The following XYLT1 variants were observed in gnomAD, a reference collection of about 807,000 sequenced individuals.
The protein encoded by XYLT1 is xylosyltransferase 1.
In XYLT1, 36 loss-of-function variants were observed where a neutral mutation model predicts 91.3. That is an observed-to-expected ratio of 0.39 (90% CI 0.30 to 0.52). The LOEUF (loss-of-function observed/expected upper bound fraction) is 0.52, where lower values mean the gene tolerates loss of function less well. Ranked by LOEUF, XYLT1 falls within the 20% of genes least tolerant of loss-of-function variation. The probability of loss-of-function intolerance (pLI) is 0.68; values close to 1 mark genes in which losing one functional copy is unlikely to be tolerated. For synonymous variants in XYLT1, 588 were observed against 532.0 expected, an observed-to-expected ratio of 1.11 and a Z score of -1.45; for missense variants, 1,242 against 1,284.5, an observed-to-expected ratio of 0.97 and a Z score of 0.51.
chr16:17,454,357 T>C (rs183858912), intron 1 of XYLT1, among the ~76,000 whole-genome samples: 151 of 152,308 alleles, frequency 9.9e-4, no homozygotes, highest in Middle Eastern at 3.4e-3. Flanking sequence ...TGAACCAATA[T>C]AGACATAGGG....
chr16:17,351,504 C>G (rs1333032632), intron 2 of XYLT1, among the ~76,000 whole-genome samples: 6 of 151,974 alleles, frequency 3.9e-5, no homozygotes, highest in African/African-American at 1.5e-4. Flanking sequence ...CAGAGCAAGA[C>G]TCTGTCTCAA....
At chr16:17,393,517 C>G (rs1052538783) in intron 1 of XYLT1, among the ~76,000 whole-genome samples, 1 of 152,138 alleles carries the variant, frequency 6.6e-6, no homozygotes, top group Non-Finnish European at 1.5e-5. Context: ...TGTGTGTACA[C>G]ATATTTAGCT....
intron 10 of XYLT1, 63 bp downstream of exon 10, chr16:17,127,603 G>A (rs2030305001): frequency 3.3e-6 from 5 of 1,537,740 alleles, no homozygotes; most frequent in Non-Finnish European, 4.4e-6. Context: ...TCAGATAGTG[G>A]AGTAGAATCT....
chr16:17,399,633 T>C (rs1428107911), intron 1 of XYLT1, among the ~76,000 whole-genome samples: 2 of 152,178 alleles, frequency 1.3e-5, no homozygotes, highest in Non-Finnish European at 2.9e-5. Context: ...ACAAATTATC[T>C]CACAGCTGAA....
At chr16:17,306,982 G>T (rs1473797757) in intron 2 of XYLT1, among the ~76,000 whole-genome samples, 1 of 152,082 alleles carries the variant, frequency 6.6e-6, no homozygotes, top group Non-Finnish European at 1.5e-5. Context: ...CTCTGTAGAG[G>T]TGCACGTACT....
chr16:17,373,205 A>G (rs1489654100), intron 1 of XYLT1, among the ~76,000 whole-genome samples: 1 of 152,162 alleles, frequency 6.6e-6, no homozygotes, highest in African/African-American at 2.4e-5. Context: ...CTGTTGTTGG[A>G]ATCCATATTC....
intron 5 of XYLT1, among the ~76,000 whole-genome samples, chr16:17,185,269 G>T (rs1220622798): frequency 6.6e-6 from 1 of 152,254 alleles, no homozygotes; most frequent in Non-Finnish European, 1.5e-5. Flanking sequence ...TGTTTATTTT[G>T]TGACTAGAGG....
chr16:17,261,793 C>A (rs972976859), intron 2 of XYLT1, among the ~76,000 whole-genome samples: 20 of 152,116 alleles, frequency 1.3e-4, no homozygotes, highest in African/African-American at 4.6e-4. Flanking sequence ...GGAAAAAGAA[C>A]CAAGAAAAAA....
chr16:17,155,767 C>A (rs977202601), intron 6 of XYLT1, among the ~76,000 whole-genome samples: 1 of 152,080 alleles, frequency 6.6e-6, no homozygotes, highest in Non-Finnish European at 1.5e-5. Context: ...TGTCAAGAGG[C>A]CTTTGGGTTT....
At chr16:17,392,002 T>C (rs1028304352) in intron 1 of XYLT1, among the ~76,000 whole-genome samples, 3 of 152,220 alleles carry the variant, frequency 2.0e-5, no homozygotes, top group Non-Finnish European at 4.4e-5. Context: ...CTTTCATTTA[T>C]AAATTACCCA....
chr16:17,418,345 C>T (rs985341931), intron 1 of XYLT1, among the ~76,000 whole-genome samples: 2 of 152,116 alleles, frequency 1.3e-5, no homozygotes, highest in African/African-American at 4.8e-5. Context: ...GATTTATACC[C>T]GTTTATATAA....
At chr16:17,436,325 G>T (rs4386120) in intron 1 of XYLT1, among the ~76,000 whole-genome samples, 8,543 of 152,284 alleles carry the variant, frequency 0.056, 333 homozygotes, top group African/African-American at 0.097. Context: ...GAAGTGACTT[G>T]CCCAAGGTCA....
At chr16:17,244,665 T>C (rs1377336248) in intron 3 of XYLT1, among the ~76,000 whole-genome samples, 1 of 152,186 alleles carries the variant, frequency 6.6e-6, no homozygotes, top group Non-Finnish European at 1.5e-5. Flanking sequence ...GCAAATTAGC[T>C]TTTCTCTGAT....
chr16:17,397,159 C>A (rs1402791613), intron 1 of XYLT1, among the ~76,000 whole-genome samples: 2 of 152,102 alleles, frequency 1.3e-5, no homozygotes, highest in Non-Finnish European at 2.9e-5. Context: ...GGGAAGGCTT[C>A]CTGGAGGGTG....
chr16:17,113,328 A>G (rs976534573), intron 11 of XYLT1, among the ~76,000 whole-genome samples: 6 of 151,414 alleles, frequency 4.0e-5, no homozygotes, highest in African/African-American at 1.5e-4. Flanking sequence ...CTTTTAGGAG[A>G]GACAGGGTTT....
intron 3 of XYLT1, among the ~76,000 whole-genome samples, chr16:17,226,024 G>A (rs1203194598): frequency 6.7e-6 from 1 of 148,812 alleles, no homozygotes; most frequent in Non-Finnish European, 1.5e-5. Flanking sequence ...ATTTGCATGA[G>A]GTAGTGGGTT....
rs571153273 is a variant in XYLT1 at position 17,334,895 on chromosome 16, CA to C, written c.402+23116del. Among the ~76,000 whole-genome samples the C allele has an allele frequency of 4.3e-3, 639 of 147,482 alleles. 8 individuals are homozygous for C. Among genetic ancestry groups the C allele is most frequent in the African/African-American group, 0.015 (582 of 40,068 alleles). On this transcript the variant is annotated intron_variant, in intron 2 of 11. Transcript: ENST00000261381. ...GAGACTCCATCTCAAAAAACAAAAA[CA>C]AAAAAAAGATCAACTATTTATGGGT...
chr16:17,123,020 G>A (rs1478615451), intron 10 of XYLT1, among the ~76,000 whole-genome samples: 1 of 152,178 alleles, frequency 6.6e-6, no homozygotes, highest in Non-Finnish European at 1.5e-5. Flanking sequence ...AATGCCTCCA[G>A]ATTTGTTCTT....
intron 8 of XYLT1, among the ~76,000 whole-genome samples, chr16:17,136,077 T>C (rs899106087): frequency 1.3e-5 from 2 of 152,178 alleles, no homozygotes; most frequent in Non-Finnish European, 2.9e-5. Flanking sequence ...TTCATGGTGG[T>C]AGATTAATAG....
Sources: gnomAD v4.1 joint callset for allele counts (sites outside exome capture counted in the v4.1 genomes callset) on GRCh38, gnomAD v4.1.1 for gene constraint, MANE v1.5 for transcripts, NCBI Gene and HGNC (gene_info 2026-07-23, HGNC 2026-07-21) for gene names.